DPYD: variants seen among roughly 807,000 people sequenced by gnomAD.
DPYD encodes the protein dihydropyrimidine dehydrogenase [NADP(+)].
DPYD carries 109 observed loss-of-function variants against 116.2 expected under a neutral mutation model. That is an observed-to-expected ratio of 0.94 (90% confidence interval 0.80 to 1.10). The LOEUF (loss-of-function observed/expected upper bound fraction) is 1.10. Ranked by LOEUF, DPYD falls within the 50% of genes least tolerant of loss-of-function variation. The pLI is 0.00. For synonymous variants in DPYD, 440 were observed against 432.0 expected, an observed-to-expected ratio of 1.02 and a Z score of -0.23; for missense variants, 1,302 against 1,254.5, an observed-to-expected ratio of 1.04 and a Z score of -0.57.
intron 3 of DPYD, among the ~76,000 whole-genome samples, chr1:97,769,892 A>G (rs916601827): frequency 6.6e-6 from 1 of 152,224 alleles, no homozygotes; most frequent in African/African-American, 2.4e-5. Flanking sequence ...ATGAATAATC[A>G]AGATGATTTC....
chr1:97,486,242 T>C (rs1678626924), intron 13 of DPYD, among the ~76,000 whole-genome samples: 1 of 152,234 alleles, frequency 6.6e-6, no homozygotes, highest in Non-Finnish European at 1.5e-5. Flanking sequence ...TTGTAAAATA[T>C]GTAAGGATAG....
chr1:97,588,600 A>G (rs1460427696), intron 10 of DPYD, among the ~76,000 whole-genome samples: 2 of 152,134 alleles, frequency 1.3e-5, no homozygotes, highest in African/African-American at 4.8e-5. Flanking sequence ...TATCCTGTGA[A>G]ATTTAATCTC....
At position 97,367,482 on chromosome 1, in the gene DPYD, A is replaced by T. The variant is rs142849159; in HGVS notation, c.2058+6079T>A. Among the ~76,000 whole-genome samples, 34 of 152,274 alleles carry T rather than the reference A, an allele frequency of 2.2e-4. No individual in the cohort carries two copies. In the East Asian group the frequency reaches 5.8e-3, roughly 26 times the overall value. On this transcript the variant is annotated intron_variant, in intron 16 of 22. Coordinates refer to ENST00000370192, the MANE Select transcript of DPYD (RefSeq NM_000110.4). ...CAGGACTTCATACATCTCCCTGATG[A>T]CAAAACTAATGTTTGGACTGTTTGA... is the stretch of plus-strand genomic sequence containing the variant.
At chr1:97,403,612 T>C (rs1673488917) in intron 14 of DPYD, among the ~76,000 whole-genome samples, 1 of 152,020 alleles carries the variant, frequency 6.6e-6, no homozygotes, top group South Asian at 2.1e-4. Flanking sequence ...TTCATAGCAC[T>C]CTTTATTTTC....
chr1:97,591,613 G>A (rs1168217359), intron 10 of DPYD, among the ~76,000 whole-genome samples: 1 of 152,160 alleles, frequency 6.6e-6, no homozygotes, highest in African/African-American at 2.4e-5. Context: ...AATGGAAGAT[G>A]ACTATGATAT....
chr1:97,862,935 A>G (rs1055684044), intron 2 of DPYD, among the ~76,000 whole-genome samples: 2 of 151,946 alleles, frequency 1.3e-5, no homozygotes, highest in Non-Finnish European at 2.9e-5. Context: ...TCAATCTCGA[A>G]TATCTACTAG....
At chr1:97,411,867 C>T (rs886987179) in intron 14 of DPYD, among the ~76,000 whole-genome samples, 1 of 152,088 alleles carries the variant, frequency 6.6e-6, no homozygotes, top group Non-Finnish European at 1.5e-5. Context: ...TTCTTATTTG[C>T]ATACTATAAA....
At chr1:97,486,338 G>A (rs1678633139) in intron 13 of DPYD, among the ~76,000 whole-genome samples, 2 of 152,032 alleles carry the variant, frequency 1.3e-5, no homozygotes, top group African/African-American at 4.8e-5. Flanking sequence ...TTTTTCATTT[G>A]TACTATACTC....
chr1:97,786,588 C>A (rs937055284), intron 3 of DPYD, among the ~76,000 whole-genome samples: 1 of 152,142 alleles, frequency 6.6e-6, no homozygotes, highest in African/African-American at 2.4e-5. Context: ...GAGGGCCCTA[C>A]CTGAGGAGAC....
chr1:97,879,338 A>G (rs1376121707), intron 2 of DPYD, among the ~76,000 whole-genome samples: 7 of 151,950 alleles, frequency 4.6e-5, no homozygotes. Context: ...ATAATTCTTA[A>G]AAACAAGTCT....
chr1:97,769,144 A>G (rs1295152501), intron 3 of DPYD, among the ~76,000 whole-genome samples: 1 of 152,098 alleles, frequency 6.6e-6, no homozygotes, highest in East Asian at 1.9e-4. Context: ...ACTATTTAGA[A>G]ATTGCTGGGT....
chr1:97,418,158 G>A (rs1386314362), intron 14 of DPYD, among the ~76,000 whole-genome samples: 2 of 152,002 alleles, frequency 1.3e-5, no homozygotes, highest in Non-Finnish European at 2.9e-5. Flanking sequence ...AATTAATAAA[G>A]TATTAATAAC....
At chr1:97,419,781 G>T (rs981653579) in intron 14 of DPYD, among the ~76,000 whole-genome samples, 2 of 152,138 alleles carry the variant, frequency 1.3e-5, no homozygotes, top group Non-Finnish European at 1.5e-5. Flanking sequence ...TCCACTGAGT[G>T]AAATTTTAAT....
chr1:97,497,105 C>G (rs1191774187), intron 13 of DPYD, among the ~76,000 whole-genome samples: 1 of 151,656 alleles, frequency 6.6e-6, no homozygotes, highest in Non-Finnish European at 1.5e-5. Context: ...GATAAAATTA[C>G]CAAGCAGGGC....
chr1:97,865,630 T>C (rs1044840017), intron 2 of DPYD, among the ~76,000 whole-genome samples: 1 of 151,900 alleles, frequency 6.6e-6, no homozygotes, highest in African/African-American at 2.4e-5. Flanking sequence ...TGTGTGTGTT[T>C]AACAGTATAA....
intron 20 of DPYD, among the ~76,000 whole-genome samples, chr1:97,125,854 T>C (rs1042081525): frequency 6.6e-6 from 1 of 152,120 alleles, no homozygotes; most frequent in Non-Finnish European, 1.5e-5. Flanking sequence ...CTGTGGTTTA[T>C]AAGCCTGATT....
At chr1:97,919,313 G>A (rs1234608275) in intron 1 of DPYD, among the ~76,000 whole-genome samples, 1 of 152,204 alleles carries the variant, frequency 6.6e-6, no homozygotes, top group Non-Finnish European at 1.5e-5. Context: ...GAATTGAGTG[G>A]AGGGAGTGGG....
intron 20 of DPYD, among the ~76,000 whole-genome samples, chr1:97,184,022 G>T (rs1451094645): frequency 6.6e-6 from 1 of 151,938 alleles, no homozygotes; most frequent in Non-Finnish European, 1.5e-5. Flanking sequence ...GGAGTGTTTA[G>T]TTTTCTGTTC....
intron 16 of DPYD, among the ~76,000 whole-genome samples, chr1:97,356,468 C>T (rs188144322): frequency 1.2e-4 from 19 of 152,234 alleles, no homozygotes; most frequent in Non-Finnish European, 2.1e-4. Flanking sequence ...GCACTTGTTG[C>T]CTGTGATCAG....
Sources: allele counts gnomAD v4.1 joint callset (sites outside exome capture counted in the v4.1 genomes callset), GRCh38; gene constraint gnomAD v4.1.1; transcripts MANE v1.5; gene names NCBI Gene and HGNC (gene_info 2026-07-23, HGNC 2026-07-21).